The following DOT1L variants were observed in gnomAD, a reference collection of about 807,000 sequenced individuals.
DOT1L encodes the protein histone-lysine N-methyltransferase, H3 lysine-79 specific.
In DOT1L, 33 loss-of-function variants were observed where a neutral mutation model predicts 153.3. The ratio of observed to expected loss-of-function variants is 0.22; its 90% CI spans 0.16 to 0.29. The LOEUF is 0.29. DOT1L is among the 10% of genes least tolerant of loss of function. DOT1L has a pLI of 1.00. For synonymous variants in DOT1L, 1,135 were observed against 965.1 expected (o/e 1.18, Z -3.26); for missense variants, 1,847 against 2,119.9 (o/e 0.87, Z 2.53).
rs557890579 is a variant in DOT1L at position 2,190,696 on chromosome 19, C to T, written c.265-316C>T. ...AGCGCCCCACCCTGCTGCCTTGGCC[C>T]AGAGGAGGGGTGGTGGTCTTGGTGG... On this transcript the variant is annotated intron_variant, in intron 4 of 27. Transcript: ENST00000398665. This position sits in a 1 kb window ranked among gnomAD's most constrained non-coding sequence, Gnocchi z 4.8. Among the ~76,000 whole-genome samples the T allele has an allele frequency of 6.6e-6, 1 of 151,934 alleles. No homozygotes were observed. The highest frequency in any genetic ancestry group is 2.4e-5 in the African/African-American group (1 of 41,420).
intron 1 of DOT1L, among the ~76,000 whole-genome samples, chr19:2,170,761 T>A (rs1304432350): frequency 6.6e-6 from 1 of 151,674 alleles, no homozygotes; most frequent in Non-Finnish European, 1.5e-5. Context: ...AACACTTAGG[T>A]CCTTTGGTTA....
chr19:2,204,576 T>C lies in DOT1L; in HGVS notation c.787+1797T>C, dbSNP rs952760299. 1.3e-5 allele frequency among the ~76,000 whole-genome samples: 2 copies of C among 152,188 alleles called. No homozygotes were observed. On this transcript the variant is annotated intron_variant, in intron 9 of 27. Transcript: ENST00000398665. The surrounding 1 kb of genome is among the most constrained non-coding windows in gnomAD (Gnocchi z 5.7). ...TGCCCTAGAACGCCTCTTCTGGCTG[T>C]TTCTCGCCAGCTTTCTCTGCACGAT...
At chr19:2,225,569 G>A (rs1453466073) in intron 26 of DOT1L, 117 bp downstream of exon 26, 13 of 1,136,170 alleles carry the variant, frequency 1.1e-5, no homozygotes, top group African/African-American at 3.1e-5. Context: ...GTGCTGGCCC[G>A]CTGCGTCGTG....
At chr19:2,218,057 C>G (rs2144879396) in intron 22 of DOT1L, 139 bp downstream of exon 22, 1 of 1,282,092 alleles carries the variant, frequency 7.8e-7, no homozygotes, top group East Asian at 2.5e-5. Flanking sequence ...GTGGGCTGTC[C>G]AAAGCCGGGG....
chr19:2,217,121 G>T lies in DOT1L; in HGVS notation c.2544+31G>T. On this transcript the variant is annotated intron_variant, in intron 21 of 27. Transcript: ENST00000398665. The surrounding 1 kb of genome is among the most constrained non-coding windows in gnomAD (Gnocchi z 7.3). The stretch of plus-strand genomic sequence containing the variant: ...GGCCGCGACCCCTGCCCCGGGCTCA[G>T]GGAGGTGCTCAGCAGAGGCGGCCTG... 1 of 1,557,480 alleles carries T rather than the reference G, an allele frequency of 6.4e-7. No homozygotes were observed. The highest frequency in any genetic ancestry group is 2.3e-5 in the East Asian group (1 of 43,992).
rs1345742520 is a variant in DOT1L at position 2,222,838 on chromosome 19, C to G, written c.3390+279C>G. The stretch of plus-strand genomic sequence containing the variant: ...GGCGGGGCTTGCAGTGAACTGAGAT[C>G]GGCCACTGCCTGGGCCACAGAGCGA... On this transcript the variant is annotated intron_variant, in intron 24 of 27. Transcript: ENST00000398665. The surrounding 1 kb of genome is among the most constrained non-coding windows in gnomAD (Gnocchi z 6.5). 2.3e-6 allele frequency: 1 copy of G among 435,456 alleles called. No homozygotes were observed. Among genetic ancestry groups the G allele is most frequent in the Non-Finnish European group, 4.1e-6 (1 of 246,580 alleles). The allele number at this position is 435,456 out of a possible 1,614,324, so 27.0% of individuals were successfully genotyped here.
chr19:2,228,006 G>A, intron 27 of DOT1L: 3 of 1,163,536 alleles, frequency 2.6e-6, no homozygotes, highest in Non-Finnish European at 2.2e-6. Flanking sequence ...TCCACCTAAC[G>A]CCGCCTTGCC....
Position 2,231,809 on chromosome 19 carries a change from T to G in DOT1L, c.*2017T>G, listed in dbSNP as rs1012201464. The G allele has an allele frequency of 4.6e-6, 1 of 217,852 alleles. No homozygotes were observed. Among genetic ancestry groups the G allele is most frequent in the African/African-American group, 2.3e-5 (1 of 44,436 alleles). The allele number at this position is 217,852 out of a possible 1,614,324, so 13.5% of individuals were successfully genotyped here. A position where few individuals can be genotyped will look rare whatever the true frequency, so the allele number is the denominator to read the frequency against. On this transcript the variant is annotated 3_prime_UTR_variant, in exon 28 of 28. Coordinates refer to ENST00000398665, the MANE Select transcript of DOT1L (RefSeq NM_032482.3). Reference sequence around the variant, plus strand: ...GCCTCCCTCTAGGTGACAGTGGCAGTCCGGGTGCCATCACGGGTCCTGCAG... The same window carrying G: ...GCCTCCCTCTAGGTGACAGTGGCAGGCCGGGTGCCATCACGGGTCCTGCAG...
intron 16 of DOT1L, chr19:2,213,220 G>T: frequency 3.7e-6 from 1 of 270,942 alleles, no homozygotes; most frequent in Non-Finnish European, 7.2e-6. Context: ...TCCATCCCCT[G>T]GTATTGCCTT....
intron 23 of DOT1L, 73 bp from the exon 24 acceptor site, chr19:2,221,903 G>A (rs906114189): frequency 7.0e-7 from 1 of 1,418,890 alleles, no homozygotes; most frequent in Non-Finnish European, 9.4e-7. Flanking sequence ...CTCCTAGGGG[G>A]TGGTGCTCCC....
chr19:2,216,502 C>T lies in DOT1L; in HGVS notation c.2145C>T (p.Gly715=), dbSNP rs2023906362. The change falls in exon 20 of 28, where the codon GGC becomes GGT. Residue 715 remains glycine (G), a synonymous_variant. Transcript: ENST00000398665. ...SSMSPELSMN[G]QAAGYELCGV... ...TGAGCCCGGAGCTCTCCATGAACGG[C>T]CAGGCTGCTGGCTATGAGCTCTGCG... The T allele has an allele frequency of 6.8e-6, 11 of 1,612,556 alleles. No homozygotes were observed. The highest frequency in any genetic ancestry group is 9.3e-6 in the Non-Finnish European group (11 of 1,179,944).
intron 3 of DOT1L, among the ~76,000 whole-genome samples, chr19:2,188,583 C>T (rs961947064): frequency 5.3e-5 from 8 of 149,606 alleles, no homozygotes; most frequent in Non-Finnish European, 7.4e-5. Context: ...TGCAGGGTGC[C>T]GAGCAGGGTC....
chr19:2,214,631 C>T (rs563222834), intron 19 of DOT1L, 35 bp downstream of exon 19: 80 of 1,596,234 alleles, frequency 5.0e-5, no homozygotes, highest in Middle Eastern at 1.7e-4. Flanking sequence ...CCGTGGTGTC[C>T]GAGCCTCTCC....
At chr19:2,192,967 C>T (rs575954966) in intron 5 of DOT1L, among the ~76,000 whole-genome samples, 2 of 152,344 alleles carry the variant, frequency 1.3e-5, no homozygotes, top group African/African-American at 2.4e-5. Flanking sequence ...GTGGTGGCGG[C>T]GGTCTGTGCC....
rs1167722438 is a variant in DOT1L at position 2,213,641 on chromosome 19, G to A, written c.1659+1G>A. On this transcript the variant is annotated splice_donor_variant, in intron 17 of 27. Transcript: ENST00000398665. LOFTEE classifies it high-confidence loss of function. ...GCTGTTTCAGCAAAAATTGGATGAG[G>A]TAGTGGACCCCAGAGGGCAGGTGGC... 6.2e-7 allele frequency: 1 copy of A among 1,613,718 alleles called. No individual in the cohort carries two copies. The highest frequency in any genetic ancestry group is 2.2e-5 in the East Asian group (1 of 44,872).
intron 1 of DOT1L, among the ~76,000 whole-genome samples, chr19:2,178,911 A>C (rs998187065): frequency 1.2e-4 from 18 of 152,104 alleles, no homozygotes; most frequent in African/African-American, 3.9e-4. Context: ...CACCGCACAG[A>C]CTTTCTATGT....
rs564738167 is a variant in DOT1L, at chr19:2,177,096, C to T, written c.82-3617C>T. On this transcript the variant is annotated intron_variant, in intron 1 of 27. Coordinates refer to ENST00000398665, the MANE Select transcript of DOT1L (RefSeq NM_032482.3). ...GCACCCTGCAACATCCCGCAGCAGT[C>T]TGTGGGGGTCCGCAGGAAGAAGACT... is the stretch of plus-strand genomic sequence containing the variant. Among the ~76,000 whole-genome samples, 11 of 152,334 alleles carry T rather than the reference C, an allele frequency of 7.2e-5. No homozygotes were observed. The South Asian group carries it at 2.1e-3, about 29-fold the overall frequency.
Position 2,164,030 on chromosome 19 carries a change from C to CGCGGCGGCG in DOT1L, c.-140_-132dup, listed in dbSNP as rs576715318. 16 of 301,060 alleles carry CGCGGCGGCG rather than the reference C, an allele frequency of 5.3e-5. No individual in the cohort carries two copies. The highest frequency in any genetic ancestry group is 2.7e-4 in the African/African-American group (12 of 43,994). 18.6% of individuals were successfully genotyped at this position (301,060 alleles called of 1,614,324 possible). A position where few individuals can be genotyped will look rare whatever the true frequency, so the allele number is the denominator to read the frequency against. Reference sequence around the variant, plus strand: ...AGTCGGGGGCCGGGCCGGACCGGAGCGCGGCGGCGGCGGCGGCGGCGGCCG... The same window carrying CGCGGCGGCG: ...AGTCGGGGGCCGGGCCGGACCGGAGCGCGGCGGCGGCGGCGGCGGCGGCGGCGGCGGCCG... On this transcript the variant is annotated 5_prime_UTR_variant, in exon 1 of 28. Coordinates refer to ENST00000398665, the MANE Select transcript of DOT1L (RefSeq NM_032482.3).
At position 2,220,298 on chromosome 19, in the gene DOT1L, G is replaced by A. The variant is rs1334444449; in HGVS notation, c.2806+76G>A. The A allele has an allele frequency of 1.4e-6, 2 of 1,451,074 alleles. No homozygotes were observed. The highest frequency in any genetic ancestry group is 1.9e-5 in the Admixed American group (1 of 51,662). The allele number at this position is 1,451,074 out of a possible 1,614,324, so 89.9% of individuals were successfully genotyped here. On this transcript the variant is annotated intron_variant, in intron 23 of 27. Coordinates refer to ENST00000398665, the MANE Select transcript of DOT1L (RefSeq NM_032482.3). The surrounding 1 kb of genome is among the most constrained non-coding windows in gnomAD (Gnocchi z 4.5). ...CTTCAGGCAGGAGGGCTGGGTTGCT[G>A]GGAGTGGAACAGGGCTTCCTGGGGT... is the stretch of plus-strand genomic sequence containing the variant.
Sources: allele counts gnomAD v4.1 joint callset (sites outside exome capture counted in the v4.1 genomes callset), GRCh38; gene constraint gnomAD v4.1.1; non-coding constraint Gnocchi (gnomAD v3.1); transcripts MANE v1.5; gene names NCBI Gene and HGNC (gene_info 2026-07-23, HGNC 2026-07-21).